Variants in IDO2 observed in about 807,000 individuals in gnomAD.
The protein encoded by IDO2 is indoleamine 2,3-dioxygenase 2.
In IDO2, 46 loss-of-function variants were observed where a neutral mutation model predicts 45.1. The ratio of observed to expected loss-of-function variants is 1.02; its 90% CI spans 0.80 to 1.30. The LOEUF (loss-of-function observed/expected upper bound fraction) is 1.30. Among genes scored for constraint, IDO2 ranks in the 50% most tolerant of loss-of-function variants. The probability of loss-of-function intolerance (pLI) is 0.00; values close to 1 mark genes in which losing one functional copy is unlikely to be tolerated. For missense variants in IDO2, 544 were observed against 491.8 expected (o/e 1.11, Z -1.00); for synonymous variants, 218 against 184.9 (o/e 1.18, Z -1.45).
chr8:39,974,170 C>T (rs1808224576), intron 3 of IDO2, among the ~76,000 whole-genome samples: 1 of 152,100 alleles, frequency 6.6e-6, no homozygotes. Context: ...CATAGAAATT[C>T]TGACCAGATG....
intron 8 of IDO2, among the ~76,000 whole-genome samples, chr8:40,002,601 C>A (rs1481995867): frequency 1.3e-5 from 2 of 152,084 alleles, no homozygotes; most frequent in African/African-American, 2.4e-5. Context: ...TGGAGACCAG[C>A]CTGATGAAAC....
chr8:39,992,698 T>C (rs1242368334), intron 8 of IDO2, among the ~76,000 whole-genome samples: 1 of 152,206 alleles, frequency 6.6e-6, no homozygotes, highest in Non-Finnish European at 1.5e-5. Context: ...GCGTGATAAA[T>C]AGAGCTTGGC....
chr8:39,989,951 AC>A, intron 8 of IDO2, 113 bp downstream of exon 8: 1 of 623,428 alleles, frequency 1.6e-6, no homozygotes. Flanking sequence ...ACATTCATCC[AC>A]CAGATGACGC....
At chr8:39,978,488 C>T (rs1406115918) in intron 3 of IDO2, among the ~76,000 whole-genome samples, 3 of 152,020 alleles carry the variant, frequency 2.0e-5, no homozygotes, top group Non-Finnish European at 4.4e-5. Context: ...CGCCTTTACG[C>T]GTCACAGTGA....
At chr8:39,989,662 C>G (rs1808472123) in intron 7 of IDO2, 59 bp from the exon 8 acceptor site, 4 of 1,215,440 alleles carry the variant, frequency 3.3e-6, no homozygotes, top group Non-Finnish European at 3.5e-6. Flanking sequence ...GAGGCTTACT[C>G]TGCCTGCATG....
intron 1 of IDO2, among the ~76,000 whole-genome samples, chr8:39,944,256 A>G (rs979392377): frequency 8.3e-5 from 9 of 108,906 alleles, no homozygotes; most frequent in Non-Finnish European, 1.8e-4. Context: ...TGACCTGAAT[A>G]TTATTACGCA....
intron 1 of IDO2, among the ~76,000 whole-genome samples, chr8:39,945,172 AT>A (rs954664932): frequency 6.6e-6 from 1 of 152,278 alleles, no homozygotes; most frequent in Non-Finnish European, 1.5e-5. Context: ...TCTGGGAAGC[AT>A]TGCCTCTGGC....
At chr8:39,987,783 G>A in intron 6 of IDO2, 88 bp from the exon 7 acceptor site, 1 of 747,564 alleles carries the variant, frequency 1.3e-6, no homozygotes. Context: ...CCACCCTGCA[G>A]TTATCTAACT....
intron 4 of IDO2, 44 bp from the exon 5 acceptor site, chr8:39,982,608 A>C (rs1472307888): frequency 1.0e-5 from 13 of 1,305,358 alleles, no homozygotes; most frequent in Non-Finnish European, 1.4e-5. Flanking sequence ...CCTCTGCTGC[A>C]AGCTTTCTAG....
At chr8:40,004,454 G>A (rs910693885) in intron 8 of IDO2, among the ~76,000 whole-genome samples, 2 of 152,134 alleles carry the variant, frequency 1.3e-5, no homozygotes, top group African/African-American at 4.8e-5. Flanking sequence ...TAAATACATA[G>A]ATAGATAGAT....
intron 8 of IDO2, among the ~76,000 whole-genome samples, chr8:40,002,151 C>A (rs1802147553): frequency 6.6e-6 from 1 of 151,992 alleles, no homozygotes; most frequent in South Asian, 2.1e-4. Context: ...GTTTTTAATT[C>A]ACATATAATT....
At chr8:39,944,448 A>T (rs2129593112) in intron 1 of IDO2, among the ~76,000 whole-genome samples, 1 of 151,658 alleles carries the variant, frequency 6.6e-6, no homozygotes, top group East Asian at 2.0e-4. Context: ...ACCTGAATTG[A>T]CTCTCCCTTA....
At position 39,934,989 on chromosome 8, in the gene IDO2, CAG is replaced by C. The variant is rs1320348796; in HGVS notation, c.-242_-241del. ...GATAGTTAAGAAAGCAGTAAGAATA[CAG>C]AGAGTCCACAATGAGATGAAAATGC... is the stretch of plus-strand genomic sequence containing the variant. On this transcript the variant is annotated 5_prime_UTR_variant, in exon 1 of 11. An upstream open reading frame in the 5' UTR gains an earlier in-frame stop. Coordinates refer to ENST00000502986, the Ensembl canonical transcript of IDO2. The C allele has an allele frequency of 2.0e-5, 13 of 660,488 alleles. No individual in the cohort carries two copies. In the African/African-American group the frequency reaches 2.4e-4, roughly 12 times the overall value. The allele number at this position is 660,488 out of a possible 1,614,324, so 40.9% of individuals were successfully genotyped here. A position where few individuals can be genotyped will look rare whatever the true frequency, so the allele number is the denominator to read the frequency against.
At chr8:39,943,856 C>A (rs970282299) in intron 1 of IDO2, among the ~76,000 whole-genome samples, 2 of 151,874 alleles carry the variant, frequency 1.3e-5, no homozygotes, top group Non-Finnish European at 2.9e-5. Context: ...ACCACTCTTA[C>A]TCAACATAGT....
chr8:39,966,873 AG>A (rs1238185682), intron 3 of IDO2, among the ~76,000 whole-genome samples: 1 of 152,214 alleles, frequency 6.6e-6, no homozygotes, highest in African/African-American at 2.4e-5. Flanking sequence ...CAAAAAGAAG[AG>A]GGTAGCCCAC....
intron 2 of IDO2, among the ~76,000 whole-genome samples, chr8:39,953,571 T>C (rs1807842908): frequency 1.3e-5 from 2 of 152,214 alleles, no homozygotes; most frequent in Admixed American, 1.3e-4. Context: ...TGTTTTATTA[T>C]TATTATTTTT....
chr8:39,949,823 T>C (rs868179999), intron 2 of IDO2, among the ~76,000 whole-genome samples: 15 of 152,308 alleles, frequency 9.8e-5, no homozygotes, highest in African/African-American at 3.6e-4. Context: ...AAAGAGAACA[T>C]GAGGAAACTT....
At chr8:39,945,367 G>A (rs926130592) in intron 1 of IDO2, among the ~76,000 whole-genome samples, 2 of 152,242 alleles carry the variant, frequency 1.3e-5, no homozygotes, top group African/African-American at 4.8e-5. Context: ...TCAAAAAATG[G>A]CAGCCTTAGC....
rs368902777 is a variant in IDO2, at chr8:39,977,566, A to G, written c.196-1501A>G. Among the ~76,000 whole-genome samples the G allele has an allele frequency of 3.0e-4, 46 of 152,354 alleles. No individual in the cohort carries two copies. The East Asian group carries it at 7.7e-3, about 26-fold the overall frequency. ...TGCAGTGGCACATGCCTGTAGTCCC[A>G]GGTACTCAGGAGGCTGAGGCAGGAG... On this transcript the variant is annotated intron_variant, in intron 3 of 10. Coordinates refer to ENST00000502986, the Ensembl canonical transcript of IDO2.
Sources: allele counts gnomAD v4.1 joint callset (sites outside exome capture counted in the v4.1 genomes callset), GRCh38; gene constraint gnomAD v4.1.1; transcripts MANE v1.5; gene names NCBI Gene and HGNC (gene_info 2026-07-23, HGNC 2026-07-21).